MCF2L2: variants seen among roughly 807,000 people sequenced by gnomAD.
The protein encoded by MCF2L2 is probable guanine nucleotide exchange factor MCF2L2.
Under a neutral mutation model 150.2 loss-of-function variants are expected in MCF2L2, and 102 were observed. The observed-to-expected ratio is 0.68, with a 90% confidence interval of 0.58 to 0.80. MCF2L2 has a LOEUF of 0.80. MCF2L2 is among the 30% of genes least tolerant of loss of function. The pLI is 0.00. For synonymous variants in MCF2L2, 465 were observed against 491.3 expected (o/e 0.95, Z 0.71); for missense variants, 1,256 against 1,372.8 (o/e 0.91, Z 1.34).
At chr3:183,366,538 G>A (rs964865261) in intron 3 of MCF2L2, among the ~76,000 whole-genome samples, 6 of 152,136 alleles carry the variant, frequency 3.9e-5, no homozygotes, top group Admixed American at 1.3e-4. Flanking sequence ...CCAGCTACGC[G>A]AGAGGCTGAG....
At chr3:183,361,401 A>G (rs762779364) in intron 3 of MCF2L2, among the ~76,000 whole-genome samples, 1 of 152,154 alleles carries the variant, frequency 6.6e-6, no homozygotes, top group Non-Finnish European at 1.5e-5. Context: ...TGAGAGAGGG[A>G]CCTGGTAGGA....
At chr3:183,213,950 C>T (rs1252540023) in intron 22 of MCF2L2, among the ~76,000 whole-genome samples, 1 of 152,190 alleles carries the variant, frequency 6.6e-6, no homozygotes, top group Non-Finnish European at 1.5e-5. Context: ...ATTCTGAGGA[C>T]ACATGGTCAA....
intron 25 of MCF2L2, among the ~76,000 whole-genome samples, chr3:183,201,578 A>G (rs1245353186): frequency 2.0e-5 from 3 of 152,194 alleles, no homozygotes; most frequent in Non-Finnish European, 4.4e-5. Flanking sequence ...GCAATTTGAC[A>G]ATTTGACTTT....
chr3:183,323,801 A>C (rs1404792454), intron 5 of MCF2L2, among the ~76,000 whole-genome samples: 2 of 151,922 alleles, frequency 1.3e-5, no homozygotes, highest in Non-Finnish European at 2.9e-5. Flanking sequence ...CATCAAAAAA[A>C]AAAAAAAAAG....
At chr3:183,318,318 A>G (rs1577060048) in intron 6 of MCF2L2, 101 bp from the exon 7 acceptor site, 2 of 1,327,410 alleles carry the variant, frequency 1.5e-6, no homozygotes, top group East Asian at 4.6e-5. Flanking sequence ...ATTAGTGAAT[A>G]ATCACCTCAC....
In MCF2L2 at chr3:183,233,398, A is replaced by ATATG. The variant is rs1482971809; in HGVS notation, c.1863-2382_1863-2381insCATA. On this transcript the variant is annotated intron_variant, in intron 15 of 29. Transcript: ENST00000328913. ...CATACATATAGATATAGATAGATAT[A>ATATG]TGTGTGTGTGTGTGTATATATATAT... Among the ~76,000 whole-genome samples the ATATG allele has an allele frequency of 4.4e-4, 66 of 151,036 alleles. 1 individual carries two copies. Among genetic ancestry groups the ATATG allele is most frequent in the African/African-American group, 1.4e-3 (58 of 41,136 alleles).
intron 1 of MCF2L2, among the ~76,000 whole-genome samples, chr3:183,423,003 A>AT: frequency 6.6e-6 from 1 of 152,266 alleles, no homozygotes; most frequent in South Asian, 2.1e-4. Flanking sequence ...CTTAAATTTT[A>AT]TTTTGCACTT....
chr3:183,332,152 T>G (rs550524461), intron 5 of MCF2L2, among the ~76,000 whole-genome samples: 26 of 152,200 alleles, frequency 1.7e-4, no homozygotes, highest in Middle Eastern at 3.4e-3. Flanking sequence ...CAGTTTGAAC[T>G]GTCATTGAGA....
intron 1 of MCF2L2, among the ~76,000 whole-genome samples, chr3:183,410,491 C>T (rs1715267221): frequency 6.6e-6 from 1 of 152,138 alleles, no homozygotes; most frequent in Admixed American, 6.5e-5. Context: ...TAATTCTCTC[C>T]CCATGACAGC....
At chr3:183,311,862 T>G in intron 7 of MCF2L2, 90 bp from the exon 8 acceptor site, 2 of 1,194,350 alleles carry the variant, frequency 1.7e-6, no homozygotes, top group Non-Finnish European at 2.3e-6. Context: ...GATCAGTACA[T>G]TTTTCATTTA....
At chr3:183,240,017 C>T (rs1252624871) in intron 15 of MCF2L2, among the ~76,000 whole-genome samples, 3 of 152,200 alleles carry the variant, frequency 2.0e-5, no homozygotes, top group Non-Finnish European at 4.4e-5. Flanking sequence ...AAACTCCCCC[C>T]TCCAACATCC....
At chr3:183,264,887 A>ATCTG (rs1406259104) in intron 15 of MCF2L2, among the ~76,000 whole-genome samples, 4 of 152,126 alleles carry the variant, frequency 2.6e-5, no homozygotes, top group African/African-American at 9.7e-5. Context: ...AGTATTTGGG[A>ATCTG]TCTGTCACCT....
chr3:183,248,340 A>G (rs542033072), intron 15 of MCF2L2, among the ~76,000 whole-genome samples: 21 of 152,120 alleles, frequency 1.4e-4, no homozygotes, highest in African/African-American at 4.6e-4. Context: ...GGCTTTTTAG[A>G]AGTACTGCTA....
rs1263424968 is a variant in MCF2L2, at chr3:183,309,810, A to C, written c.1019T>G (p.Leu340Arg). ...GCCTGTAAACTCTGCTTGCTCTTCC[A>C]GCAAATTATCCAGGGCAAGCTTAGC... ...CKAKLALDNL[L>R]EEQAEFTGIG... The change falls in exon 10 of 30, where the codon CTG becomes CGG. Residue 340 changes from leucine (L) to arginine (R), a missense_variant. Coordinates refer to ENST00000328913, the MANE Select transcript of MCF2L2 (RefSeq NM_015078.4). 1 of 1,613,948 alleles carries C rather than the reference A, an allele frequency of 6.2e-7. No homozygotes were observed. The highest frequency in any genetic ancestry group is 1.1e-5 in the South Asian group (1 of 91,080).
chr3:183,405,098 A>T (rs1714974999), intron 1 of MCF2L2, among the ~76,000 whole-genome samples: 1 of 152,174 alleles, frequency 6.6e-6, no homozygotes, highest in Non-Finnish European at 1.5e-5. Context: ...AGCAGAATAT[A>T]ATCTATATAA....
At chr3:183,307,021 T>C (rs1729130916) in intron 10 of MCF2L2, among the ~76,000 whole-genome samples, 1 of 152,196 alleles carries the variant, frequency 6.6e-6, no homozygotes, top group Admixed American at 6.5e-5. Context: ...GGAAGGAGCA[T>C]TCAAAAGACT....
chr3:183,244,831 T>C (rs1305000882), intron 15 of MCF2L2, among the ~76,000 whole-genome samples: 1 of 152,158 alleles, frequency 6.6e-6, no homozygotes, highest in African/African-American at 2.4e-5. Flanking sequence ...AAGCAAGTAC[T>C]GTTTCTGCTA....
chr3:183,240,756 A>G (rs1232308888), intron 15 of MCF2L2, among the ~76,000 whole-genome samples: 1 of 152,224 alleles, frequency 6.6e-6, no homozygotes, highest in Non-Finnish European at 1.5e-5. Flanking sequence ...ATGGTCTCCT[A>G]TTCAACTAAA....
intron 14 of MCF2L2, among the ~76,000 whole-genome samples, chr3:183,278,588 A>G (rs1727300017): frequency 6.6e-6 from 1 of 152,206 alleles, no homozygotes. Context: ...CTTTGAACTC[A>G]GTCTTACTCA....
Sources: gnomAD v4.1 joint callset for allele counts (sites outside exome capture counted in the v4.1 genomes callset) on GRCh38, gnomAD v4.1.1 for gene constraint, MANE v1.5 for transcripts, NCBI Gene and HGNC (gene_info 2026-07-23, HGNC 2026-07-21) for gene names.